Variants in NGF observed in about 807,000 individuals in gnomAD.
The protein encoded by NGF is nerve growth factor.
A neutral mutation model predicts 12.8 loss-of-function variants in NGF; 4 were observed. The observed-to-expected ratio is 0.31, with a 90% CI of 0.15 to 0.72. NGF has a LOEUF of 0.72. Among genes scored for constraint, NGF ranks in the 30% least tolerant of loss-of-function variants. NGF has a pLI of 0.69. For synonymous variants in NGF, 140 were observed against 130.0 expected (o/e 1.08, Z -0.52); for missense variants, 283 against 330.8 (o/e 0.86, Z 1.12).
At chr1:115,337,770 TC>T (rs1341967764) in intron 1 of NGF, among the ~76,000 whole-genome samples, 1 of 151,872 alleles carries the variant, frequency 6.6e-6, no homozygotes, top group Non-Finnish European at 1.5e-5. Flanking sequence ...CGCTCTGCGC[TC>T]CCCCCGCGGT....
intron 1 of NGF, among the ~76,000 whole-genome samples, chr1:115,306,905 T>A (rs910418394): frequency 3.3e-5 from 5 of 152,230 alleles, no homozygotes; most frequent in African/African-American, 1.2e-4. Flanking sequence ...AGTTTGGCCC[T>A]ATCACCACTG....
chr1:115,288,994 G>A (rs1440291981), intron 2 of NGF, among the ~76,000 whole-genome samples: 1 of 152,190 alleles, frequency 6.6e-6, no homozygotes, highest in Admixed American at 6.5e-5. Context: ...GAGATACCAA[G>A]AAGGAAATCA....
At chr1:115,336,546 A>T (rs1655114046) in intron 1 of NGF, among the ~76,000 whole-genome samples, 2 of 152,200 alleles carry the variant, frequency 1.3e-5, no homozygotes, top group Non-Finnish European at 2.9e-5. Flanking sequence ...GCCCATCATG[A>T]ATTGACATTT....
intron 1 of NGF, among the ~76,000 whole-genome samples, chr1:115,337,660 C>A (rs942434719): frequency 3.3e-5 from 5 of 152,166 alleles, no homozygotes; most frequent in Non-Finnish European, 5.9e-5. Context: ...CCGAGACGCG[C>A]TGAGGGAACT....
chr1:115,304,503 T>A (rs1654142590), intron 1 of NGF, among the ~76,000 whole-genome samples: 1 of 151,884 alleles, frequency 6.6e-6, no homozygotes, highest in Admixed American at 6.6e-5. Context: ...AGGAATTATG[T>A]ACCTTCGTCC....
chr1:115,316,869 T>G (rs951715233), intron 1 of NGF, among the ~76,000 whole-genome samples: 20 of 152,160 alleles, frequency 1.3e-4, no homozygotes, highest in African/African-American at 4.8e-4. Flanking sequence ...ATTTGGGAAT[T>G]GGGTGTAATT....
At chr1:115,333,884 C>T (rs543587933) in intron 1 of NGF, among the ~76,000 whole-genome samples, 57 of 151,008 alleles carry the variant, frequency 3.8e-4, no homozygotes, top group African/African-American at 1.3e-3. Context: ...AAATCAGCGC[C>T]AAGCTCTGCA....
chr1:115,336,446 A>G (rs181806492), intron 1 of NGF, among the ~76,000 whole-genome samples: 52 of 152,186 alleles, frequency 3.4e-4, no homozygotes, highest in Non-Finnish European at 6.5e-4. Flanking sequence ...CTTCAACAAG[A>G]GGAATGTTCA....
intron 1 of NGF, among the ~76,000 whole-genome samples, chr1:115,321,832 C>G (rs947611436): frequency 6.6e-6 from 1 of 152,016 alleles, no homozygotes; most frequent in African/African-American, 2.4e-5. Flanking sequence ...AAATAAGAAG[C>G]ACCAAACAGA....
At chr1:115,294,568 A>G (rs553361672) in intron 1 of NGF, among the ~76,000 whole-genome samples, 34 of 152,332 alleles carry the variant, frequency 2.2e-4, no homozygotes, top group African/African-American at 7.9e-4. Flanking sequence ...TAAGCAAGAT[A>G]TCTCCAGATT....
intron 1 of NGF, among the ~76,000 whole-genome samples, chr1:115,299,733 T>C (rs1277884786): frequency 6.6e-6 from 1 of 152,114 alleles, no homozygotes; most frequent in Non-Finnish European, 1.5e-5. Flanking sequence ...ATCCAATAAT[T>C]TTTCAAACTT....
chr1:115,321,420 T>A (rs1243787964), intron 1 of NGF, among the ~76,000 whole-genome samples: 1 of 151,976 alleles, frequency 6.6e-6, no homozygotes, highest in Admixed American at 6.5e-5. Context: ...TTTTCCTTCT[T>A]TTTTTGCATT....
intron 1 of NGF, among the ~76,000 whole-genome samples, chr1:115,337,305 T>TTTTTTTTTTTTTTTG (rs1655155284): frequency 8.5e-6 from 1 of 117,106 alleles, no homozygotes; most frequent in Non-Finnish European, 1.7e-5. Flanking sequence ...TTTTTTTTTT[T>TTTTTTTTTTTTTTTG]AGAAGGAGGT....
chr1:115,333,074 A>C (rs986332128), intron 1 of NGF, among the ~76,000 whole-genome samples: 6 of 152,310 alleles, frequency 3.9e-5, no homozygotes, highest in African/African-American at 1.4e-4. Context: ...AACTGAAGTC[A>C]GGACAGTCTC....
In NGF at chr1:115,293,612, C is replaced by T. The variant is rs1653774717; in HGVS notation, c.-13+15G>A. Reference sequence around the variant, plus strand: ...GGGAGGACCTTGGCAAGGCCAAGGTCCCTTAGGCACTTACCTCAGTGTGGC... The same window carrying T: ...GGGAGGACCTTGGCAAGGCCAAGGTTCCTTAGGCACTTACCTCAGTGTGGC... On this transcript the variant is annotated intron_variant, in intron 2 of 2. Transcript: ENST00000369512. 6.5e-6 allele frequency: 1 copy of T among 152,710 alleles called. No homozygotes were observed. The highest frequency in any genetic ancestry group is 2.4e-5 in the African/African-American group (1 of 41,450). 9.5% of individuals were successfully genotyped at this position (152,710 alleles called of 1,614,324 possible). A position where few individuals can be genotyped will look rare whatever the true frequency, so the allele number is the denominator to read the frequency against.
In NGF at chr1:115,291,234, TA is replaced by T. The variant is rs369136032; in HGVS notation, c.-13+2392del. 5.3e-3 allele frequency among the ~76,000 whole-genome samples: 804 copies of T among 152,154 alleles called. 10 individuals carry two copies. Among genetic ancestry groups the T allele is most frequent in the African/African-American group, 0.018 (749 of 41,514 alleles). ...GTGTGTTCCTATAAACTTTTAAGTT[TA>T]AAAAAAAACTCTCTTAAAAGTGATC... On this transcript the variant is annotated intron_variant, in intron 2 of 2. Transcript: ENST00000369512.
chr1:115,296,901 T>C (rs61810756), intron 1 of NGF, among the ~76,000 whole-genome samples: 137 of 152,360 alleles, frequency 9.0e-4, no homozygotes, highest in South Asian at 3.3e-3. Context: ...TCTGTTTTCA[T>C]AGGGTAATCA....
At chr1:115,304,841 G>C (rs934916058) in intron 1 of NGF, among the ~76,000 whole-genome samples, 1 of 152,176 alleles carries the variant, frequency 6.6e-6, no homozygotes, top group Non-Finnish European at 1.5e-5. Flanking sequence ...AGCTGTCTGA[G>C]GAGGAGGCCT....
intron 1 of NGF, among the ~76,000 whole-genome samples, chr1:115,337,771 C>G (rs1362791544): frequency 6.6e-6 from 1 of 152,104 alleles, no homozygotes; most frequent in Non-Finnish European, 1.5e-5. Flanking sequence ...GCTCTGCGCT[C>G]CCCCCGCGGT....
Sources: gnomAD v4.1 joint callset for allele counts (sites outside exome capture counted in the v4.1 genomes callset) on GRCh38, gnomAD v4.1.1 for gene constraint, MANE v1.5 for transcripts, NCBI Gene and HGNC (gene_info 2026-07-23, HGNC 2026-07-21) for gene names.